Variants in DLGAP2 observed in about 807,000 individuals in gnomAD.
The protein encoded by DLGAP2 is DLG associated protein 2.
A neutral mutation model predicts 100.3 loss-of-function variants in DLGAP2; 26 were observed. The ratio of observed to expected loss-of-function variants is 0.26; its 90% CI spans 0.19 to 0.36. The LOEUF is 0.36. Among genes scored for constraint, DLGAP2 ranks in the 10% least tolerant of loss-of-function variants. The pLI, the probability that DLGAP2 is intolerant of heterozygous loss-of-function variation, is 1.00. For missense variants in DLGAP2, 1,858 were observed against 1,453.2 expected, an observed-to-expected ratio of 1.28 and a Z score of -4.53; for synonymous variants, 886 against 630.1, an observed-to-expected ratio of 1.41 and a Z score of -6.08.
intron 1 of DLGAP2, among the ~76,000 whole-genome samples, chr8:809,942 C>T (rs539909710): frequency 6.6e-6 from 1 of 152,196 alleles, no homozygotes; most frequent in African/African-American, 2.4e-5. Context: ...CTTTGGTTGG[C>T]GATGTCTTGG....
At chr8:979,640 G>A (rs1335138703) in intron 2 of DLGAP2, among the ~76,000 whole-genome samples, 1 of 152,206 alleles carries the variant, frequency 6.6e-6, no homozygotes, top group Non-Finnish European at 1.5e-5. Context: ...AATGAGAACT[G>A]CCCTCTGAGC....
At chr8:951,754 T>C (rs1799485528) in intron 2 of DLGAP2, among the ~76,000 whole-genome samples, 1 of 152,208 alleles carries the variant, frequency 6.6e-6, no homozygotes, top group Non-Finnish European at 1.5e-5. Flanking sequence ...TGGGGCGTCA[T>C]GCATTTCCTA....
At chr8:1,302,668 CTATT>C (rs1800385204) in intron 3 of DLGAP2, 1 of 152,396 alleles carries the variant, frequency 6.6e-6, no homozygotes, top group African/African-American at 2.4e-5. Context: ...CGTGAGTCCT[CTATT>C]TAGTCATCAG....
At chr8:1,068,947 G>T (rs756794059) in intron 2 of DLGAP2, among the ~76,000 whole-genome samples, 1 of 152,116 alleles carries the variant, frequency 6.6e-6, no homozygotes, top group Non-Finnish European at 1.5e-5. Context: ...GGCAGGTTCT[G>T]GCCTGGCCTT....
At chr8:1,191,598 A>G (rs1251518258) in intron 2 of DLGAP2, among the ~76,000 whole-genome samples, 3 of 152,224 alleles carry the variant, frequency 2.0e-5, no homozygotes, top group African/African-American at 7.2e-5. Context: ...ATAGAACAAG[A>G]CAGGCAGCCA....
At chr8:1,272,965 G>A (rs1053142944) in intron 3 of DLGAP2, among the ~76,000 whole-genome samples, 1 of 152,186 alleles carries the variant, frequency 6.6e-6, no homozygotes, top group Non-Finnish European at 1.5e-5. Context: ...TGGAACCTGG[G>A]AAGGAATGTT....
At chr8:1,115,647 A>G (rs112101674) in intron 2 of DLGAP2, among the ~76,000 whole-genome samples, 31 of 152,328 alleles carry the variant, frequency 2.0e-4, no homozygotes, top group African/African-American at 6.7e-4. Context: ...AAATCAAACA[A>G]TTCAGAGGAC....
intron 2 of DLGAP2, among the ~76,000 whole-genome samples, chr8:1,025,311 G>C (rs143795480): frequency 6.6e-6 from 1 of 152,090 alleles, no homozygotes. Flanking sequence ...ACTTCATGAC[G>C]TGTCTGAAGA....
chr8:852,011 C>G (rs1037678303), intron 1 of DLGAP2, among the ~76,000 whole-genome samples: 4 of 152,204 alleles, frequency 2.6e-5, no homozygotes, highest in Non-Finnish European at 5.9e-5. Flanking sequence ...GGGACTCAGC[C>G]CCTAAACCCA....
At chr8:1,021,811 G>GT (rs1305530711) in intron 2 of DLGAP2, among the ~76,000 whole-genome samples, 3 of 152,150 alleles carry the variant, frequency 2.0e-5, no homozygotes, top group Non-Finnish European at 2.9e-5. Context: ...GCACACCACT[G>GT]TCAGTGGTGG....
intron 1 of DLGAP2, among the ~76,000 whole-genome samples, chr8:793,069 T>G (rs1298135352): frequency 1.3e-5 from 2 of 152,258 alleles, no homozygotes; most frequent in African/African-American, 4.8e-5. Context: ...TAGCTGTATT[T>G]TACTATCAGC....
Position 1,447,737 on chromosome 8 carries a change from G to A in DLGAP2, c.107-53629G>A, listed in dbSNP as rs990959529. 3.9e-5 allele frequency among the ~76,000 whole-genome samples: 6 copies of A among 152,192 alleles called. 1 individual carries two copies. The highest frequency in any genetic ancestry group is 1.4e-4 in the African/African-American group (6 of 41,442). On this transcript the variant is annotated intron_variant, in intron 3 of 14. Transcript: ENST00000637795. ...GTCCTGGACTTTTTTTGGTTGGTAA[G>A]CTATTGATTATTGCCACAATTTCAG... is the stretch of plus-strand genomic sequence containing the variant.
chr8:1,512,945 C>T (rs545372719), intron 4 of DLGAP2, among the ~76,000 whole-genome samples: 10 of 152,214 alleles, frequency 6.6e-5, no homozygotes, highest in Admixed American at 3.3e-4. Context: ...CAGGCCACAG[C>T]GGAGAAAGAT....
At chr8:1,110,105 C>A (rs1284138929) in intron 2 of DLGAP2, among the ~76,000 whole-genome samples, 2 of 131,710 alleles carry the variant, frequency 1.5e-5, no homozygotes, top group African/African-American at 5.9e-5. Flanking sequence ...GTGAGGTGTG[C>A]ATGGGTCTGT....
rs1224709752 is a variant in DLGAP2, at chr8:1,225,044, T to G, written c.74-33807T>G. On this transcript the variant is annotated intron_variant, in intron 2 of 14. Transcript: ENST00000637795. ...TGGAAAAGAGTTTAAGTTTTCACTA[T>G]CCACAAAAACTTAAAATGGAAAAGA... 2.6e-5 allele frequency among the ~76,000 whole-genome samples: 4 copies of G among 152,192 alleles called. No homozygotes were observed. The East Asian group carries it at 7.7e-4, about 29-fold the overall frequency.
At chr8:1,206,797 CA>C (rs1798005751) in intron 2 of DLGAP2, among the ~76,000 whole-genome samples, 1 of 152,230 alleles carries the variant, frequency 6.6e-6, no homozygotes, top group African/African-American at 2.4e-5. Flanking sequence ...TCTTTGTCTG[CA>C]CCTGCAGGCT....
Position 1,233,472 on chromosome 8 carries a change from G to C in DLGAP2, c.74-25379G>C, listed in dbSNP as rs529136875. 2.6e-5 allele frequency among the ~76,000 whole-genome samples: 4 copies of C among 152,320 alleles called. No individual in the cohort carries two copies. The South Asian group carries it at 8.3e-4, about 32-fold the overall frequency. On this transcript the variant is annotated intron_variant, in intron 2 of 14. Coordinates refer to ENST00000637795, the MANE Select transcript of DLGAP2 (RefSeq NM_001346810.2). ...CACGGGCCTGAATGGTTGGCTAACG[G>C]GGCTAATCGCAGAGCGCAGGGAAGG...
At chr8:1,312,033 C>A (rs985238202) in intron 3 of DLGAP2, among the ~76,000 whole-genome samples, 7 of 152,204 alleles carry the variant, frequency 4.6e-5, no homozygotes, top group African/African-American at 1.7e-4. Flanking sequence ...CAGGGTTGAA[C>A]TGAGTGATAC....
At chr8:1,392,450 C>G (rs7017965) in intron 3 of DLGAP2, among the ~76,000 whole-genome samples, 46,169 of 151,974 alleles carry the variant, frequency 0.3, 7,315 homozygotes, top group Middle Eastern at 0.4. Context: ...GAGGCAAACC[C>G]GTTCCGCTGA....
Sources: allele counts gnomAD v4.1 joint callset (sites outside exome capture counted in the v4.1 genomes callset), GRCh38; gene constraint gnomAD v4.1.1; transcripts MANE v1.5; gene names NCBI Gene and HGNC (gene_info 2026-07-23, HGNC 2026-07-21).